Variants in KIDINS220 observed in about 807,000 individuals in gnomAD.
The protein encoded by KIDINS220 is kinase D interacting substrate 220.
Under a neutral mutation model 157.6 loss-of-function variants are expected in KIDINS220, and 63 were observed. That is an observed-to-expected ratio of 0.40 (90% CI 0.33 to 0.49). The LOEUF is 0.49. KIDINS220 is among the 20% of genes least tolerant of loss of function. The pLI is 0.66. For synonymous variants in KIDINS220, 732 were observed against 783.6 expected (o/e 0.93, Z 1.10); for missense variants, 1,772 against 2,171.2 (o/e 0.82, Z 3.65).
chr2:8,760,196 T>C (rs1054581775), intron 22 of KIDINS220, among the ~76,000 whole-genome samples: 6 of 152,386 alleles, frequency 3.9e-5, no homozygotes, highest in South Asian at 4.1e-4. Flanking sequence ...TAAGTCATCC[T>C]GGGTTTTTCT....
intron 1 of KIDINS220, among the ~76,000 whole-genome samples, chr2:8,837,226 C>G (rs1443760704): frequency 6.6e-6 from 1 of 152,198 alleles, no homozygotes. Context: ...GGAGACAGAC[C>G]ACCAGAGACT....
chr2:8,733,057 G>A (rs1376767721), intron 29 of KIDINS220, among the ~76,000 whole-genome samples: 1 of 152,114 alleles, frequency 6.6e-6, no homozygotes. Context: ...GTGCTCAAAG[G>A]GACACTATGT....
chr2:8,787,688 T>C (rs759915703), intron 15 of KIDINS220, among the ~76,000 whole-genome samples: 1 of 151,940 alleles, frequency 6.6e-6, no homozygotes, highest in Non-Finnish European at 1.5e-5. Context: ...AATTCTTACA[T>C]TGCTTACTTC....
At chr2:8,733,300 C>T (rs1664406639) in intron 29 of KIDINS220, 144 bp downstream of exon 29, 3 of 719,028 alleles carry the variant, frequency 4.2e-6, no homozygotes, top group Non-Finnish European at 4.6e-6. Context: ...TCCTTGAGTA[C>T]AGGGAGCCCT....
In KIDINS220 at chr2:8,810,394, ATTAT is replaced by A. The variant is rs373875683; in HGVS notation, c.504+1997_504+2000del. 2.4e-3 allele frequency among the ~76,000 whole-genome samples: 368 copies of A among 152,350 alleles called. 2 individuals carry two copies. The highest frequency in any genetic ancestry group is 8.1e-3 in the African/African-American group (337 of 41,580). On this transcript the variant is annotated intron_variant, in intron 6 of 29. Coordinates refer to ENST00000256707, the MANE Select transcript of KIDINS220 (RefSeq NM_020738.4). ...GCTAATGAGTGACAGATTAGGTAGCATTATTACCTGATTCTGGAGGGCCTTGAAA... is the reference window on the plus strand; with the variant it reads ...GCTAATGAGTGACAGATTAGGTAGCATACCTGATTCTGGAGGGCCTTGAAA...
intron 8 of KIDINS220, among the ~76,000 whole-genome samples, chr2:8,802,710 A>T (rs1674890352): frequency 6.6e-6 from 1 of 152,146 alleles, no homozygotes; most frequent in Admixed American, 6.5e-5. Flanking sequence ...GACTAATAGC[A>T]CATGTGACAT....
Position 8,758,619 on chromosome 2 carries a change from C to A in KIDINS220, c.3012-6975G>T, listed in dbSNP as rs142801425. On this transcript the variant is annotated intron_variant, in intron 22 of 29. Coordinates refer to ENST00000256707, the MANE Select transcript of KIDINS220 (RefSeq NM_020738.4). ...CTGCTAGCTTGGAGTTTAATTTGCT[C>A]TTCTTTTTCTAGCTCCTCGAGGTGT... Among the ~76,000 whole-genome samples the A allele has an allele frequency of 6.6e-3, 1,001 of 151,994 alleles. 13 individuals carry two copies. The highest frequency in any genetic ancestry group is 0.023 in the African/African-American group (958 of 41,446).
chr2:8,727,839 T>C (rs1663493668), downstream of KIDINS220, among the ~76,000 whole-genome samples: 1 of 152,202 alleles, frequency 6.6e-6, no homozygotes, highest in Non-Finnish European at 1.5e-5. Flanking sequence ...AATTTCCCAG[T>C]GTTGGAGAGC....
At chr2:8,826,780 A>G in intron 2 of KIDINS220, 1 of 326,666 alleles carries the variant, frequency 3.1e-6, no homozygotes, top group Non-Finnish European at 5.6e-6. Flanking sequence ...CAATAAATCT[A>G]AATTCAACAG....
chr2:8,819,403 G>A (rs1677572801), intron 2 of KIDINS220, among the ~76,000 whole-genome samples: 1 of 152,202 alleles, frequency 6.6e-6, no homozygotes, highest in Non-Finnish European at 1.5e-5. Context: ...CAGCCCTGGA[G>A]ATGAGGGCAG....
At chr2:8,819,613 C>T (rs1303435290) in intron 2 of KIDINS220, among the ~76,000 whole-genome samples, 1 of 152,106 alleles carries the variant, frequency 6.6e-6, no homozygotes, top group African/African-American at 2.4e-5. Flanking sequence ...CACATGAGGC[C>T]AGGAGTTCAA....
intron 2 of KIDINS220, among the ~76,000 whole-genome samples, chr2:8,821,275 G>T (rs1456116529): frequency 1.3e-5 from 2 of 151,862 alleles, no homozygotes; most frequent in Non-Finnish European, 2.9e-5. Flanking sequence ...ATTTTCTCTT[G>T]CAGAAACTAT....
intron 1 of KIDINS220, among the ~76,000 whole-genome samples, chr2:8,833,254 A>G (rs962633167): frequency 2.0e-5 from 3 of 152,208 alleles, no homozygotes; most frequent in African/African-American, 7.2e-5. Context: ...CCCCATCTTC[A>G]AATAACTGCA....
At chr2:8,819,272 T>G (rs1677553138) in intron 2 of KIDINS220, among the ~76,000 whole-genome samples, 1 of 152,146 alleles carries the variant, frequency 6.6e-6, no homozygotes, top group African/African-American at 2.4e-5. Flanking sequence ...CATATGTAGT[T>G]TTTTAAAGCC....
chr2:8,807,355 G>C (rs1675602176), intron 6 of KIDINS220, among the ~76,000 whole-genome samples: 1 of 152,096 alleles, frequency 6.6e-6, no homozygotes, highest in South Asian at 2.1e-4. Flanking sequence ...TCAGTACATG[G>C]AGCCCACAGA....
chr2:8,782,693 T>C (rs1020122940), intron 17 of KIDINS220, among the ~76,000 whole-genome samples: 1 of 152,138 alleles, frequency 6.6e-6, no homozygotes, highest in Non-Finnish European at 1.5e-5. Flanking sequence ...ATCACCCTAA[T>C]ACCCAAAGCA....
chr2:8,757,851 T>C, intron 22 of KIDINS220: 1 of 1,365,904 alleles, frequency 7.3e-7, no homozygotes, highest in Middle Eastern at 1.8e-4. Context: ...CTTGGAATTC[T>C]GTATGTTTTC....
At chr2:8,823,701 T>C (rs1678336370) in intron 2 of KIDINS220, among the ~76,000 whole-genome samples, 1 of 152,202 alleles carries the variant, frequency 6.6e-6, no homozygotes, top group Non-Finnish European at 1.5e-5. Flanking sequence ...TAGCATTCCC[T>C]AGACAAGTGT....
At chr2:8,750,476 A>G in intron 23 of KIDINS220, 141 bp from the exon 24 acceptor site, 1 of 567,240 alleles carries the variant, frequency 1.8e-6, no homozygotes, top group East Asian at 3.4e-5. Context: ...ATTAAAAAAG[A>G]AGACAGAAAA....
Sources: gnomAD v4.1 joint callset for allele counts (sites outside exome capture counted in the v4.1 genomes callset) on GRCh38, gnomAD v4.1.1 for gene constraint, MANE v1.5 for transcripts, NCBI Gene and HGNC (gene_info 2026-07-23, HGNC 2026-07-21) for gene names.